Variants in ERBB4 observed in about 807,000 individuals in gnomAD.
ERBB4 encodes erb-b2 receptor tyrosine kinase 4.
Under a neutral mutation model 158.0 loss-of-function variants are expected in ERBB4, and 42 were observed. The ratio of observed to expected loss-of-function variants is 0.27; its 90% CI spans 0.21 to 0.34. The LOEUF (loss-of-function observed/expected upper bound fraction) is 0.34, where lower values mean the gene tolerates loss of function less well. Among genes scored for constraint, ERBB4 ranks in the 10% least tolerant of loss-of-function variants. The pLI is 1.00. For synonymous variants in ERBB4, 583 were observed against 558.7 expected (o/e 1.04, Z -0.61); for missense variants, 1,333 against 1,624.1 (o/e 0.82, Z 3.08).
Position 211,442,593 on chromosome 2 carries a change from G to T in ERBB4, c.2488-11493C>A, listed in dbSNP as rs1371548348. 2.0e-5 allele frequency among the ~76,000 whole-genome samples: 3 copies of T among 151,858 alleles called. No individual in the cohort carries two copies. The East Asian group carries it at 5.8e-4, about 30-fold the overall frequency. On this transcript the variant is annotated intron_variant, in intron 20 of 27. Coordinates refer to ENST00000342788, the MANE Select transcript of ERBB4 (RefSeq NM_005235.3). ...TGCTAACAGTTTCATGTAGAGAGTA[G>T]ATAAAGCACAAAGCCAAAATATATA...
At chr2:212,356,565 C>T (rs1255532251) in intron 1 of ERBB4, among the ~76,000 whole-genome samples, 2 of 151,894 alleles carry the variant, frequency 1.3e-5, no homozygotes, top group Admixed American at 6.6e-5. Flanking sequence ...TCACATAACA[C>T]TTGTCTCCTA....
At chr2:211,560,375 A>C (rs938706039) in intron 20 of ERBB4, among the ~76,000 whole-genome samples, 6 of 148,338 alleles carry the variant, frequency 4.0e-5, no homozygotes, top group Non-Finnish European at 5.9e-5. Flanking sequence ...CCCAGGTACA[A>C]GCAATTCTTC....
intron 1 of ERBB4, among the ~76,000 whole-genome samples, chr2:212,137,743 C>G (rs956447802): frequency 1.3e-5 from 2 of 152,128 alleles, no homozygotes; most frequent in Admixed American, 6.6e-5. Flanking sequence ...TTTAAGGAAT[C>G]AACACACTGT....
intron 17 of ERBB4, among the ~76,000 whole-genome samples, chr2:211,628,203 A>G (rs2069937818): frequency 8.5e-6 from 1 of 118,340 alleles, no homozygotes; most frequent in African/African-American, 2.6e-5. Context: ...GTTTTAGGGC[A>G]CATGTGCACA....
intron 2 of ERBB4, among the ~76,000 whole-genome samples, chr2:212,018,037 A>G (rs1559327535): frequency 6.6e-6 from 1 of 152,186 alleles, no homozygotes; most frequent in African/African-American, 2.4e-5. Context: ...TCTTGAATGG[A>G]AAATATAATT....
At chr2:211,576,645 C>T (rs1009565803) in intron 19 of ERBB4, among the ~76,000 whole-genome samples, 1 of 152,096 alleles carries the variant, frequency 6.6e-6, no homozygotes, top group East Asian at 1.9e-4. Context: ...CACAAGGGTA[C>T]AATTATTAAA....
intron 16 of ERBB4, among the ~76,000 whole-genome samples, chr2:211,647,485 A>G (rs558067715): frequency 6.6e-6 from 1 of 151,680 alleles, no homozygotes; most frequent in Admixed American, 6.6e-5. Context: ...ATCCGAAACT[A>G]AACACAGGAT....
chr2:212,162,633 C>T (rs971397845), intron 1 of ERBB4, among the ~76,000 whole-genome samples: 1 of 151,866 alleles, frequency 6.6e-6, no homozygotes, highest in African/African-American at 2.4e-5. Flanking sequence ...TAATGTATTT[C>T]TACATTTCTG....
At chr2:212,134,804 C>A (rs2080220465) in intron 1 of ERBB4, among the ~76,000 whole-genome samples, 1 of 151,474 alleles carries the variant, frequency 6.6e-6, no homozygotes, top group Non-Finnish European at 1.5e-5. Context: ...CTGCCTCAGC[C>A]TCCCCAGGAG....
intron 20 of ERBB4, among the ~76,000 whole-genome samples, chr2:211,481,505 A>T (rs1272283362): frequency 6.6e-6 from 1 of 152,098 alleles, no homozygotes; most frequent in Non-Finnish European, 1.5e-5. Context: ...CTCATAAGGT[A>T]ACACACCAGG....
At chr2:211,699,031 T>TA (rs931585770) in intron 12 of ERBB4, among the ~76,000 whole-genome samples, 11 of 152,304 alleles carry the variant, frequency 7.2e-5, no homozygotes, top group Admixed American at 3.3e-4. Flanking sequence ...GTTAACTTTT[T>TA]AAAAAATCGT....
intron 1 of ERBB4, among the ~76,000 whole-genome samples, chr2:212,163,371 C>T (rs190944951): frequency 4.0e-5 from 6 of 149,252 alleles, no homozygotes; most frequent in Non-Finnish European, 7.5e-5. Flanking sequence ...GGTGAAGGAA[C>T]TAAACAAAAC....
intron 3 of ERBB4, among the ~76,000 whole-genome samples, chr2:211,811,249 A>AT (rs970071938): frequency 4.6e-5 from 7 of 151,864 alleles, no homozygotes; most frequent in Middle Eastern, 3.4e-3. Flanking sequence ...TGTTTAAAGG[A>AT]TTTTTTCTCT....
intron 4 of ERBB4, among the ~76,000 whole-genome samples, chr2:211,763,799 T>C (rs372024231): frequency 6.6e-6 from 1 of 151,968 alleles, no homozygotes; most frequent in East Asian, 1.9e-4. Flanking sequence ...CAAAGTCTTC[T>C]GAGGTCTAAC....
intron 20 of ERBB4, among the ~76,000 whole-genome samples, chr2:211,535,362 C>T (rs1227896378): frequency 2.0e-5 from 3 of 151,964 alleles, no homozygotes; most frequent in Non-Finnish European, 4.4e-5. Context: ...CTCTTTTCAA[C>T]TACCAACATT....
chr2:211,722,153 G>A (rs959714147), intron 7 of ERBB4, among the ~76,000 whole-genome samples: 4 of 152,086 alleles, frequency 2.6e-5, no homozygotes, highest in African/African-American at 9.7e-5. Context: ...GAGCCAGTGC[G>A]CCCAGCCACA....
chr2:211,933,002 G>C (rs1379668595), intron 3 of ERBB4, among the ~76,000 whole-genome samples: 1 of 151,908 alleles, frequency 6.6e-6, no homozygotes, highest in African/African-American at 2.4e-5. Flanking sequence ...ATTATGCACT[G>C]GTGATCTTCA....
chr2:212,116,846 T>A (rs1426225397), intron 2 of ERBB4, among the ~76,000 whole-genome samples: 1 of 152,220 alleles, frequency 6.6e-6, no homozygotes, highest in African/African-American at 2.4e-5. Context: ...ATCCTTTGAT[T>A]TATCTTGTGG....
At chr2:211,924,407 G>A (rs1348074306) in intron 3 of ERBB4, among the ~76,000 whole-genome samples, 1 of 151,926 alleles carries the variant, frequency 6.6e-6, no homozygotes, top group African/African-American at 2.4e-5. Flanking sequence ...TAAAAGCCCA[G>A]ACTTCACCAC....
Sources: gnomAD v4.1 joint callset for allele counts (sites outside exome capture counted in the v4.1 genomes callset) on GRCh38, gnomAD v4.1.1 for gene constraint, MANE v1.5 for transcripts, NCBI Gene and HGNC (gene_info 2026-07-23, HGNC 2026-07-21) for gene names.